Variants in FOXO1 observed in about 807,000 individuals in gnomAD.
FOXO1 encodes the protein forkhead box O1.
FOXO1 carries 6 observed loss-of-function variants against 44.1 expected under a neutral mutation model. The observed-to-expected ratio is 0.14, with a 90% CI of 0.07 to 0.27. The LOEUF (loss-of-function observed/expected upper bound fraction) is 0.27, where lower values mean the gene tolerates loss of function less well. FOXO1 is among the 10% of genes least tolerant of loss of function. FOXO1 has a pLI of 1.00. For synonymous variants in FOXO1, 380 were observed against 362.7 expected (o/e 1.05, Z -0.54); for missense variants, 737 against 888.8 (o/e 0.83, Z 2.17).
chr13:40,635,979 G>A (rs1300365594), intron 1 of FOXO1, among the ~76,000 whole-genome samples: 4 of 152,230 alleles, frequency 2.6e-5, no homozygotes, highest in African/African-American at 9.6e-5. Context: ...GGAGGCTGAG[G>A]CAGGCGGATC....
At chr13:40,572,884 C>T (rs886782235) in intron 1 of FOXO1, among the ~76,000 whole-genome samples, 2 of 152,190 alleles carry the variant, frequency 1.3e-5, no homozygotes, top group African/African-American at 4.8e-5. Flanking sequence ...CTAAGTAATA[C>T]AAAAGACATG....
At chr13:40,638,530 A>G (rs1323178075) in intron 1 of FOXO1, among the ~76,000 whole-genome samples, 5 of 152,194 alleles carry the variant, frequency 3.3e-5, no homozygotes, top group Non-Finnish European at 5.9e-5. Context: ...CAGTCCAATG[A>G]GATTTGGGGG....
chr13:40,635,646 T>C (rs1192407476), intron 1 of FOXO1, among the ~76,000 whole-genome samples: 3 of 152,232 alleles, frequency 2.0e-5, no homozygotes, highest in African/African-American at 7.2e-5. Flanking sequence ...TGAGATGTCA[T>C]GTCTGGGCAA....
intron 1 of FOXO1, among the ~76,000 whole-genome samples, chr13:40,601,485 T>G (rs2137879762): frequency 6.6e-6 from 1 of 152,338 alleles, no homozygotes; most frequent in Non-Finnish European, 1.5e-5. Flanking sequence ...TAAAACAATA[T>G]GGCTGACTCT....
Position 40,560,080 on chromosome 13 carries a change from G to T in FOXO1, c.1411C>A (p.Pro471Thr), listed in dbSNP as rs750423870. 1.2e-6 allele frequency: 2 copies of T among 1,614,144 alleles called. No individual in the cohort carries two copies. The highest frequency in any genetic ancestry group is 3.3e-5 in the Admixed American group (2 of 60,020). The change falls in exon 2 of 3, where the codon CCT becomes ACT. Residue 471 changes from proline to threonine, a missense_variant. By Grantham distance (38) the Pro-to-Thr change is conservative. Around this residue, in one of 7 missense-constraint regions of FOXO1, gnomAD observed 283 missense variants for 278.1 expected, o/e 1.02. Transcript: ENST00000379561. This position sits in a 1 kb window ranked among gnomAD's most constrained non-coding sequence, Gnocchi z 5.1. ...LLKELLTSDS[P>T]PHNDIMTPVD... is the part of the protein sequence containing the mutation. ...GGTGTCATAATGTCATTATGGGGAG[G>T]AGAGTCAGAAGTCAGCAACTCCTTC...
chr13:40,625,152 A>G (rs1876745772), intron 1 of FOXO1, among the ~76,000 whole-genome samples: 2 of 152,212 alleles, frequency 1.3e-5, no homozygotes, highest in Non-Finnish European at 2.9e-5. Context: ...ACACAAATTA[A>G]CATATTATGT....
At chr13:40,602,176 T>C (rs1178677216) in intron 1 of FOXO1, among the ~76,000 whole-genome samples, 2 of 152,216 alleles carry the variant, frequency 1.3e-5, no homozygotes, top group Non-Finnish European at 2.9e-5. Context: ...AGGAATAATA[T>C]GCTTAATATG....
intron 1 of FOXO1, among the ~76,000 whole-genome samples, chr13:40,664,458 T>C (rs1169512765): frequency 1.3e-5 from 2 of 151,792 alleles, no homozygotes; most frequent in African/African-American, 2.4e-5. Flanking sequence ...GCCCCCACGC[T>C]AAGTCTCTCC....
At chr13:40,612,264 C>T (rs1042800322) in intron 1 of FOXO1, among the ~76,000 whole-genome samples, 6 of 152,060 alleles carry the variant, frequency 3.9e-5, no homozygotes, top group Non-Finnish European at 2.9e-5. Context: ...CCTTGGATCT[C>T]CCCAACAAAA....
Position 40,556,280 on chromosome 13 carries a change from TG to T in FOXO1, c.*2768del, listed in dbSNP as rs907720873. On this transcript the variant is annotated 3_prime_UTR_variant, in exon 3 of 3. Coordinates refer to ENST00000379561, the MANE Select transcript of FOXO1 (RefSeq NM_002015.4). ...GATGTTCCATTGATTTACTGCTCAC[TG>T]GGATACATGTGCTCATTTAGACTTT... is the stretch of plus-strand genomic sequence containing the variant. 1 of 152,672 alleles carries T rather than the reference TG, an allele frequency of 6.5e-6. No homozygotes were observed. The highest frequency in any genetic ancestry group is 2.4e-5 in the African/African-American group (1 of 41,466). 9.5% of individuals were successfully genotyped at this position (152,672 alleles called of 1,614,324 possible).
intron 1 of FOXO1, among the ~76,000 whole-genome samples, chr13:40,634,389 C>T (rs1877072022): frequency 6.6e-6 from 1 of 152,150 alleles, no homozygotes; most frequent in Admixed American, 6.5e-5. Flanking sequence ...AACAAATGAA[C>T]ACTCCCACAT....
intron 1 of FOXO1, among the ~76,000 whole-genome samples, chr13:40,661,595 C>A (rs1234099752): frequency 6.6e-6 from 1 of 151,768 alleles, no homozygotes; most frequent in Non-Finnish European, 1.5e-5. Context: ...CCACGCCCAG[C>A]CTATCAAGGC....
intron 1 of FOXO1, among the ~76,000 whole-genome samples, chr13:40,581,278 TG>T (rs1459030021): frequency 6.6e-6 from 1 of 152,220 alleles, no homozygotes; most frequent in East Asian, 1.9e-4. Context: ...CACTTGTTGC[TG>T]GAACACATGC....
chr13:40,614,696 G>C (rs1876359120), intron 1 of FOXO1, among the ~76,000 whole-genome samples: 1 of 152,160 alleles, frequency 6.6e-6, no homozygotes, highest in African/African-American at 2.4e-5. Context: ...GAAACACTTA[G>C]ACTATTTAAA....
intron 1 of FOXO1, among the ~76,000 whole-genome samples, chr13:40,580,954 T>TACCCGGCGCTTCCGC (rs1231233155): frequency 6.6e-6 from 1 of 152,310 alleles, no homozygotes. Context: ...CACACTTAAA[T>TACCCGGCGCTTCCGC]ACCCGGCGCT....
At chr13:40,579,162 A>C (rs2137848040) in intron 1 of FOXO1, among the ~76,000 whole-genome samples, 1 of 152,292 alleles carries the variant, frequency 6.6e-6, no homozygotes, top group Admixed American at 6.5e-5. Context: ...TATTGGTGAG[A>C]TTTTATGATT....
At position 40,558,603 on chromosome 13, in the gene FOXO1, A is replaced by G; in HGVS notation, c.*446T>C. 1 of 364,302 alleles carries G rather than the reference A, an allele frequency of 2.7e-6. No individual in the cohort carries two copies. The highest frequency in any genetic ancestry group is 3.9e-5 in the East Asian group (1 of 25,340). The allele number at this position is 364,302 out of a possible 1,614,324, so 22.6% of individuals were successfully genotyped here. A position where few individuals can be genotyped will look rare whatever the true frequency, so the allele number is the denominator to read the frequency against. ...GTACAAACAAAAGTTTAACTTATCA[A>G]GACATGAGGCCCATCACAGTATTAC... On this transcript the variant is annotated 3_prime_UTR_variant, in exon 3 of 3. Coordinates refer to ENST00000379561, the MANE Select transcript of FOXO1 (RefSeq NM_002015.4).
chr13:40,578,710 C>T (rs1874850754), intron 1 of FOXO1, among the ~76,000 whole-genome samples: 1 of 152,140 alleles, frequency 6.6e-6, no homozygotes, highest in Admixed American at 6.5e-5. Context: ...TGAAAAAATA[C>T]CTTTGGGACA....
intron 1 of FOXO1, among the ~76,000 whole-genome samples, chr13:40,630,842 T>C (rs1048074738): frequency 4.6e-5 from 7 of 152,134 alleles, no homozygotes; most frequent in Non-Finnish European, 7.3e-5. Flanking sequence ...GGGAAGGAAG[T>C]TGCCTTAAAG....
Sources: allele counts gnomAD v4.1 joint callset (sites outside exome capture counted in the v4.1 genomes callset), GRCh38; gene constraint gnomAD v4.1.1; regional missense constraint gnomAD v4.1.1; non-coding constraint Gnocchi (gnomAD v3.1); transcripts MANE v1.5; gene names NCBI Gene and HGNC (gene_info 2026-07-23, HGNC 2026-07-21).